NCAM2: variants seen among roughly 807,000 people sequenced by gnomAD.
The protein encoded by NCAM2 is N-CAM-2.
Under a neutral mutation model 98.1 loss-of-function variants are expected in NCAM2, and 30 were observed. That is an observed-to-expected ratio of 0.31 (90% CI 0.23 to 0.41). NCAM2 has a LOEUF of 0.41. Ranked by LOEUF, NCAM2 falls within the 10% of genes least tolerant of loss-of-function variation. The pLI is 1.00. For missense variants in NCAM2, 867 were observed against 1,005.8 expected (o/e 0.86, Z 1.87); for synonymous variants, 368 against 342.4 (o/e 1.07, Z -0.83).
intron 1 of NCAM2, among the ~76,000 whole-genome samples, chr21:21,172,717 T>C (rs908810770): frequency 3.3e-5 from 5 of 152,164 alleles, no homozygotes; most frequent in East Asian, 1.9e-4. Flanking sequence ...ATTAATACTT[T>C]AGTCATTGAA....
At chr21:21,006,181 C>T (rs1431608577) in intron 1 of NCAM2, among the ~76,000 whole-genome samples, 1 of 152,002 alleles carries the variant, frequency 6.6e-6, no homozygotes, top group Non-Finnish European at 1.5e-5. Context: ...CATTGATAAA[C>T]CAGGGGATGA....
In NCAM2 at chr21:21,255,222, G is replaced by A. The variant is rs1258084185; in HGVS notation, c.56-25356G>A. 4.6e-5 allele frequency among the ~76,000 whole-genome samples: 7 copies of A among 152,118 alleles called. No individual in the cohort carries two copies. In the East Asian group the frequency reaches 1.4e-3, roughly 29 times the overall value. On this transcript the variant is annotated intron_variant, in intron 1 of 17. Transcript: ENST00000400546. ...CTGGATCAGAGTTATCCCCGAGTACGTTGGAGTACACTGGAACAGGCCTTA... is the reference window on the plus strand; with the variant it reads ...CTGGATCAGAGTTATCCCCGAGTACATTGGAGTACACTGGAACAGGCCTTA...
chr21:21,248,223 C>A (rs1267166842), intron 1 of NCAM2, among the ~76,000 whole-genome samples: 3 of 151,680 alleles, frequency 2.0e-5, no homozygotes, highest in African/African-American at 7.3e-5. Flanking sequence ...ATGCTTAATT[C>A]TTCTCAGAGC....
chr21:21,351,115 C>T (rs1235749281), intron 8 of NCAM2, among the ~76,000 whole-genome samples: 1 of 25,022 alleles, frequency 4.0e-5, no homozygotes, highest in Non-Finnish European at 7.3e-5. Flanking sequence ...GAGACTCTGT[C>T]TCAAAAAAAA....
At chr21:21,477,173 T>C (rs1311426174) in intron 14 of NCAM2, 118 bp from the exon 15 acceptor site, 1 of 685,858 alleles carries the variant, frequency 1.5e-6, no homozygotes, top group South Asian at 3.7e-5. Flanking sequence ...CCTGTGCCTA[T>C]GAAAATTGTT....
At chr21:21,136,659 G>A (rs1471636180) in intron 1 of NCAM2, among the ~76,000 whole-genome samples, 2 of 148,496 alleles carry the variant, frequency 1.3e-5, no homozygotes, top group African/African-American at 5.0e-5. Context: ...GTAGAGATGG[G>A]GTTTCACCGT....
intron 1 of NCAM2, among the ~76,000 whole-genome samples, chr21:21,028,259 A>G (rs113855101): frequency 0.012 from 1,840 of 152,330 alleles, 32 homozygotes; most frequent in African/African-American, 0.042. Flanking sequence ...TTTCACATGT[A>G]CCAAATTTGT....
intron 16 of NCAM2, among the ~76,000 whole-genome samples, chr21:21,515,141 A>G (rs1602538794): frequency 6.6e-6 from 1 of 152,328 alleles, no homozygotes; most frequent in African/African-American, 2.4e-5. Context: ...CAACAAGCCA[A>G]TAATAACTTG....
chr21:21,254,453 C>T (rs545515148), intron 1 of NCAM2, among the ~76,000 whole-genome samples: 1 of 152,264 alleles, frequency 6.6e-6, no homozygotes, highest in East Asian at 1.9e-4. Context: ...TTTTAATCTG[C>T]TAGTTAAGTC....
chr21:21,073,574 G>A (rs565727040), intron 1 of NCAM2, among the ~76,000 whole-genome samples: 3 of 152,250 alleles, frequency 2.0e-5, no homozygotes, highest in African/African-American at 7.2e-5. Flanking sequence ...ATTTCAGTGA[G>A]CAATTAACCT....
At chr21:21,346,750 A>G (rs2075201027) in intron 8 of NCAM2, among the ~76,000 whole-genome samples, 1 of 152,094 alleles carries the variant, frequency 6.6e-6, no homozygotes, top group Admixed American at 6.6e-5. Flanking sequence ...ATACATGGAA[A>G]TTAAAGAATA....
In NCAM2 at chr21:21,293,751, T is replaced by G. The variant is rs2073377886; in HGVS notation, c.619+1510T>G. On this transcript the variant is annotated intron_variant, in intron 5 of 17. Coordinates refer to ENST00000400546, the MANE Select transcript of NCAM2 (RefSeq NM_004540.5). ...ATAAATATATAGTGGCTATTTAGTTTGTTAATTATTGAATTGTCTACCATA... is the reference window on the plus strand; with the variant it reads ...ATAAATATATAGTGGCTATTTAGTTGGTTAATTATTGAATTGTCTACCATA... Among the ~76,000 whole-genome samples, 3 of 151,872 alleles carry G rather than the reference T, an allele frequency of 2.0e-5. No individual in the cohort carries two copies. In the Admixed American group the frequency reaches 2.0e-4, roughly 10 times the overall value.
intron 16 of NCAM2, among the ~76,000 whole-genome samples, chr21:21,517,590 G>A (rs911524059): frequency 6.6e-6 from 1 of 152,140 alleles, no homozygotes; most frequent in Non-Finnish European, 1.5e-5. Context: ...AGGGGCGGTG[G>A]CTCACCCCCG....
At chr21:21,332,087 T>G (rs1166448650) in intron 6 of NCAM2, among the ~76,000 whole-genome samples, 1 of 151,762 alleles carries the variant, frequency 6.6e-6, no homozygotes, top group East Asian at 1.9e-4. Flanking sequence ...GTACTTTTTG[T>G]AGAAACCGGG....
At chr21:21,302,902 A>G (rs774248882) in intron 5 of NCAM2, among the ~76,000 whole-genome samples, 1 of 152,194 alleles carries the variant, frequency 6.6e-6, no homozygotes, top group South Asian at 2.1e-4. Flanking sequence ...CATATGCAAC[A>G]TGAAATACTA....
intron 5 of NCAM2, among the ~76,000 whole-genome samples, chr21:21,299,548 G>A (rs777380298): frequency 4.6e-5 from 7 of 151,464 alleles, no homozygotes; most frequent in East Asian, 2.0e-4. Flanking sequence ...CACAATCTCC[G>A]TCTAAAATGT....
chr21:21,276,399 G>A (rs113748753), intron 1 of NCAM2, among the ~76,000 whole-genome samples: 1 of 151,926 alleles, frequency 6.6e-6, no homozygotes, highest in African/African-American at 2.4e-5. Flanking sequence ...CACTTCTTTG[G>A]GAATTATTCA....
intron 1 of NCAM2, among the ~76,000 whole-genome samples, chr21:21,275,040 G>T (rs375582128): frequency 6.6e-6 from 1 of 151,954 alleles, no homozygotes; most frequent in African/African-American, 2.4e-5. Context: ...ATATCTGTTT[G>T]CTCTGGGTGC....
At chr21:21,368,697 T>C (rs1568987070) in intron 8 of NCAM2, among the ~76,000 whole-genome samples, 1 of 151,794 alleles carries the variant, frequency 6.6e-6, no homozygotes, top group Non-Finnish European at 1.5e-5. Flanking sequence ...ACAAGGGCTT[T>C]ACCATCATGA....
Sources: allele counts gnomAD v4.1 joint callset (sites outside exome capture counted in the v4.1 genomes callset), GRCh38; gene constraint gnomAD v4.1.1; transcripts MANE v1.5; gene names NCBI Gene and HGNC (gene_info 2026-07-23, HGNC 2026-07-21).